PRKG1: variants seen among roughly 807,000 people sequenced by gnomAD.
PRKG1 encodes cGMP-dependent protein kinase 1.
Under a neutral mutation model 88.1 loss-of-function variants are expected in PRKG1, and 35 were observed. The observed-to-expected ratio is 0.40, with a 90% CI of 0.30 to 0.53. PRKG1 has a LOEUF of 0.53. Ranked by LOEUF, PRKG1 falls within the 20% of genes least tolerant of loss-of-function variation. The pLI is 0.59. For missense variants in PRKG1, 540 were observed against 839.8 expected, an observed-to-expected ratio of 0.64 and a Z score of 4.41; for synonymous variants, 303 against 292.5, an observed-to-expected ratio of 1.04 and a Z score of -0.37.
At chr10:51,639,436 C>CAAAAAAAAAAAAAAAAAAAA (rs769304908) in intron 3 of PRKG1, among the ~76,000 whole-genome samples, 1 of 31,780 alleles carries the variant, frequency 3.1e-5, no homozygotes, top group African/African-American at 1.9e-4. Flanking sequence ...GACTCCATCT[C>CAAAAAAAAAAAAAAAAAAAA]AAAAAAAAAA....
intron 7 of PRKG1, among the ~76,000 whole-genome samples, chr10:52,121,391 G>T (rs754777990): frequency 6.6e-6 from 1 of 152,102 alleles, no homozygotes; most frequent in East Asian, 1.9e-4. Context: ...TCTCTCCCAA[G>T]CATGCTTTAT....
At chr10:51,686,697 A>G (rs76862434) in intron 3 of PRKG1, among the ~76,000 whole-genome samples, 10,469 of 152,222 alleles carry the variant, frequency 0.069, 500 homozygotes, top group African/African-American at 0.13. Flanking sequence ...AACACATGTG[A>G]AAAGGGAAGA....
chr10:51,672,614 C>T lies in PRKG1; in HGVS notation c.593-131971C>T, dbSNP rs758603449. Among the ~76,000 whole-genome samples the T allele has an allele frequency of 5.9e-5, 9 of 152,212 alleles. No homozygotes were observed. The South Asian group carries it at 6.2e-4, about 11-fold the overall frequency. On this transcript the variant is annotated intron_variant, in intron 3 of 17. Transcript: ENST00000373980. ...TGCTATTTGATTTTTCTGACTCCTT[C>T]ATGTGGGATCATATTTGATTGAATT...
At chr10:51,410,065 T>A (rs1272560567) in intron 2 of PRKG1, among the ~76,000 whole-genome samples, 1 of 151,814 alleles carries the variant, frequency 6.6e-6, no homozygotes, top group Non-Finnish European at 1.5e-5. Flanking sequence ...CTTGGACCTG[T>A]TGCAGAAACT....
intron 4 of PRKG1, among the ~76,000 whole-genome samples, chr10:51,831,899 A>C (rs899112999): frequency 6.6e-6 from 1 of 151,906 alleles, no homozygotes; most frequent in Non-Finnish European, 1.5e-5. Context: ...AGAAACTATC[A>C]ATTTTTTGGT....
In PRKG1 at chr10:51,117,701, C is replaced by T. The variant is rs368610101; in HGVS notation, c.312-35463C>T. 5.3e-5 allele frequency among the ~76,000 whole-genome samples: 8 copies of T among 152,320 alleles called. No individual in the cohort carries two copies. The East Asian group carries it at 1.5e-3, about 29-fold the overall frequency. Reference sequence around the variant, plus strand: ...GAGTTCTAATGGAGGCATTGCTTTACTACAGAAGAAACAATTTTTGATAGC... The same window carrying T: ...GAGTTCTAATGGAGGCATTGCTTTATTACAGAAGAAACAATTTTTGATAGC... On this transcript the variant is annotated intron_variant, in intron 1 of 17. Transcript: ENST00000373980.
intron 1 of PRKG1, among the ~76,000 whole-genome samples, chr10:51,152,712 T>A (rs1564619477): frequency 6.6e-6 from 1 of 152,004 alleles, no homozygotes; most frequent in Non-Finnish European, 1.5e-5. Flanking sequence ...TTTCTATAAT[T>A]GTGTATAGTA....
At chr10:51,919,958 A>G (rs1445006395) in intron 5 of PRKG1, among the ~76,000 whole-genome samples, 1 of 152,186 alleles carries the variant, frequency 6.6e-6, no homozygotes, top group Non-Finnish European at 1.5e-5. Context: ...GGCTTACAAT[A>G]AATGCATACA....
At chr10:51,323,024 GTCATTATAT>G (rs1402750405) in intron 2 of PRKG1, among the ~76,000 whole-genome samples, 2 of 151,930 alleles carry the variant, frequency 1.3e-5, no homozygotes, top group Non-Finnish European at 2.9e-5. Context: ...CATTTATATT[GTCATTATAT>G]TCATTTGTTA....
chr10:51,637,578 C>A (rs1341213165), intron 3 of PRKG1, among the ~76,000 whole-genome samples: 1 of 152,096 alleles, frequency 6.6e-6, no homozygotes, highest in East Asian at 1.9e-4. Context: ...CCATGGAATA[C>A]CTTGCAGCCG....
chr10:51,966,950 A>G (rs1189005363), intron 5 of PRKG1, among the ~76,000 whole-genome samples: 3 of 152,180 alleles, frequency 2.0e-5, no homozygotes, highest in Non-Finnish European at 4.4e-5. Context: ...GAACACATTT[A>G]CACTGTTGGT....
intron 2 of PRKG1, among the ~76,000 whole-genome samples, chr10:51,330,352 T>C (rs1416242440): frequency 2.6e-5 from 4 of 151,986 alleles, no homozygotes; most frequent in Non-Finnish European, 5.9e-5. Context: ...GGTTTCACCA[T>C]GTTGGCCAGG....
chr10:51,425,649 A>T (rs1162249087), intron 2 of PRKG1, among the ~76,000 whole-genome samples: 1 of 152,164 alleles, frequency 6.6e-6, no homozygotes, highest in Non-Finnish European at 1.5e-5. Context: ...AAGCAGCTGT[A>T]AATGATCAGA....
intron 1 of PRKG1, among the ~76,000 whole-genome samples, chr10:51,003,253 A>G (rs1459664170): frequency 6.6e-6 from 1 of 152,180 alleles, no homozygotes; most frequent in Non-Finnish European, 1.5e-5. Flanking sequence ...CAAGCAATAG[A>G]CAGTAATATC....
chr10:51,270,258 T>C (rs1164791707), intron 2 of PRKG1, among the ~76,000 whole-genome samples: 1 of 152,208 alleles, frequency 6.6e-6, no homozygotes, highest in Non-Finnish European at 1.5e-5. Context: ...TTAGGGTGGC[T>C]AAAATATTGA....
At chr10:51,117,662 A>C (rs982237522) in intron 1 of PRKG1, among the ~76,000 whole-genome samples, 1 of 152,232 alleles carries the variant, frequency 6.6e-6, no homozygotes, top group Non-Finnish European at 1.5e-5. Flanking sequence ...TTCATAGATA[A>C]AGGAGACAAG....
At chr10:51,872,175 A>T (rs1463505119) in intron 4 of PRKG1, among the ~76,000 whole-genome samples, 2 of 152,146 alleles carry the variant, frequency 1.3e-5, no homozygotes, top group Non-Finnish European at 2.9e-5. Flanking sequence ...ACATTAGGAA[A>T]CTTTACCTAA....
chr10:51,782,499 A>G (rs573058342), intron 3 of PRKG1, among the ~76,000 whole-genome samples: 10 of 152,218 alleles, frequency 6.6e-5, no homozygotes, highest in African/African-American at 2.2e-4. Flanking sequence ...CAGAGAGGTT[A>G]AGTAACTTGC....
intron 3 of PRKG1, among the ~76,000 whole-genome samples, chr10:51,495,224 G>A (rs1302062349): frequency 6.6e-6 from 1 of 151,946 alleles, no homozygotes; most frequent in South Asian, 2.1e-4. Context: ...CCTCCTGAGT[G>A]GCTGGGACTA....
Sources: gnomAD v4.1 joint callset for allele counts (sites outside exome capture counted in the v4.1 genomes callset) on GRCh38, gnomAD v4.1.1 for gene constraint, MANE v1.5 for transcripts, NCBI Gene and HGNC (gene_info 2026-07-23, HGNC 2026-07-21) for gene names.